Variants in PLEKHG7 observed in about 807,000 individuals in gnomAD.
The protein encoded by PLEKHG7 is pleckstrin homology domain-containing family G member 7.
PLEKHG7 carries 77 observed loss-of-function variants against 85.2 expected under a neutral mutation model. The observed-to-expected ratio is 0.90, with a 90% CI of 0.75 to 1.09. The LOEUF is 1.09. Among genes scored for constraint, PLEKHG7 ranks in the 50% least tolerant of loss-of-function variants. The probability of loss-of-function intolerance (pLI) is 0.00; values close to 1 mark genes in which losing one functional copy is unlikely to be tolerated. For missense variants in PLEKHG7, 777 were observed against 804.3 expected, an observed-to-expected ratio of 0.97 and a Z score of 0.41; for synonymous variants, 301 against 302.4, an observed-to-expected ratio of 1.00 and a Z score of 0.05.
In PLEKHG7 at chr12:92,710,012, CTT is replaced by C. The variant is rs1467242072; in HGVS notation, c.530+2342_530+2343del. Among the ~76,000 whole-genome samples, 5 of 152,184 alleles carry C rather than the reference CTT, an allele frequency of 3.3e-5. No homozygotes were observed. In the East Asian group the frequency reaches 9.6e-4, roughly 29 times the overall value. On this transcript the variant is annotated intron_variant, in intron 3 of 16. Coordinates refer to ENST00000344636, the MANE Select transcript of PLEKHG7 (RefSeq NM_001377329.1). ...AATTTTAACTTCAGTTTAATGGAAA[CTT>C]TCTTGCGTCTCCTGGTGGCAGTGTT...
chr12:92,732,280 G>A lies in PLEKHG7; in HGVS notation c.699+7G>A. On this transcript the variant is annotated splice_region_variant and intron_variant, in intron 5 of 16. Transcript: ENST00000344636. Reference sequence around the variant, plus strand: ...TTTCTCCAAAAGAGGAGTGGTAAGTGTTGCAAATTGCCATTTTTGTTTTAA... The same window carrying A: ...TTTCTCCAAAAGAGGAGTGGTAAGTATTGCAAATTGCCATTTTTGTTTTAA... The A allele has an allele frequency of 8.1e-7, 1 of 1,230,838 alleles. No individual in the cohort carries two copies. Among genetic ancestry groups the A allele is most frequent in the Non-Finnish European group, 1.0e-6 (1 of 986,858 alleles). The allele number at this position is 1,230,838 out of a possible 1,614,324, so 76.2% of individuals were successfully genotyped here.
Position 92,770,259 on chromosome 12 carries a change from G to C in PLEKHG7, c.*64G>C, listed in dbSNP as rs2136639340. ...GGTTTAAGGTATAATTTCATTCAAAGTTTTGTAACACTTAGCTAGTGATAA... is the reference window on the plus strand; with the variant it reads ...GGTTTAAGGTATAATTTCATTCAAACTTTTGTAACACTTAGCTAGTGATAA... On this transcript the variant is annotated 3_prime_UTR_variant, in exon 17 of 17. Coordinates refer to ENST00000344636, the MANE Select transcript of PLEKHG7 (RefSeq NM_001377329.1). 4.2e-6 allele frequency: 5 copies of C among 1,197,908 alleles called. No individual in the cohort carries two copies. Among genetic ancestry groups the C allele is most frequent in the Non-Finnish European group, 6.0e-6 (5 of 836,824 alleles). 74.2% of individuals were successfully genotyped at this position (1,197,908 alleles called of 1,614,324 possible). A position where few individuals can be genotyped will look rare whatever the true frequency, so the allele number is the denominator to read the frequency against.
chr12:92,721,315 G>C, intron 3 of PLEKHG7: 1 of 489,556 alleles, frequency 2.0e-6, no homozygotes, highest in Non-Finnish European at 3.2e-6. Flanking sequence ...CTGACACATG[G>C]GTGCACGGCC....
At chr12:92,737,325 G>A (rs1872186403) in intron 6 of PLEKHG7, 53 bp from the exon 7 acceptor site, 17 of 1,330,614 alleles carry the variant, frequency 1.3e-5, no homozygotes, top group Admixed American at 3.3e-5. Flanking sequence ...TAGCCAACAG[G>A]TCAATCCACT....
intron 3 of PLEKHG7, chr12:92,721,519 T>C: frequency 1.6e-6 from 2 of 1,228,844 alleles, no homozygotes; most frequent in African/African-American, 3.2e-5. Context: ...GCAACGCAAC[T>C]CAGGGTTAGT....
intron 16 of PLEKHG7, among the ~76,000 whole-genome samples, 178 bp from the exon 17 acceptor site, chr12:92,769,910 G>A (rs1873352294): frequency 6.6e-6 from 1 of 152,136 alleles, no homozygotes; most frequent in African/African-American, 2.4e-5. Flanking sequence ...TGTAAGATTA[G>A]AAGTATTTAT....
chr12:92,762,824 G>T (rs968106817), intron 14 of PLEKHG7, among the ~76,000 whole-genome samples: 1 of 152,174 alleles, frequency 6.6e-6, no homozygotes, highest in Non-Finnish European at 1.5e-5. Flanking sequence ...TACATGGCAT[G>T]TTGGTTAGTT....
chr12:92,720,004 T>C (rs1871592088), intron 3 of PLEKHG7, among the ~76,000 whole-genome samples: 1 of 152,196 alleles, frequency 6.6e-6, no homozygotes, highest in Non-Finnish European at 1.5e-5. Flanking sequence ...AAGGTCACAG[T>C]TGGGAATCTG....
intron 3 of PLEKHG7, among the ~76,000 whole-genome samples, chr12:92,716,675 T>C (rs758477529): frequency 1.3e-5 from 2 of 152,258 alleles, no homozygotes; most frequent in Non-Finnish European, 2.9e-5. Context: ...CTCTCATCTT[T>C]CCAAGTACAG....
intron 14 of PLEKHG7, among the ~76,000 whole-genome samples, chr12:92,763,223 A>G (rs1164926052): frequency 1.3e-5 from 2 of 152,198 alleles, no homozygotes; most frequent in Admixed American, 6.5e-5. Flanking sequence ...AATTTATACC[A>G]TGCAGGTCAC....
At chr12:92,761,952 A>G (rs1017157792) in intron 14 of PLEKHG7, 121 bp downstream of exon 14, 17 of 1,221,106 alleles carry the variant, frequency 1.4e-5, no homozygotes, top group Non-Finnish European at 1.7e-5. Context: ...TTTCCTCTAA[A>G]AAATGAAGGC....
chr12:92,713,708 G>A (rs984763606), intron 3 of PLEKHG7, among the ~76,000 whole-genome samples: 3 of 152,134 alleles, frequency 2.0e-5, no homozygotes, highest in Admixed American at 6.5e-5. Context: ...TAGGTCTAAA[G>A]TGACTAATCC....
rs114713287 is a variant in PLEKHG7 at position 92,722,589 on chromosome 12, C to T, written c.531-6404C>T. ...TCTCCCTGCTCCCTATGTGCAAATTCAACTCCAAATTTGACCTTTGTGCTC... is the reference window on the plus strand; with the variant it reads ...TCTCCCTGCTCCCTATGTGCAAATTTAACTCCAAATTTGACCTTTGTGCTC... On this transcript the variant is annotated intron_variant, in intron 3 of 16. Transcript: ENST00000344636. Among the ~76,000 whole-genome samples the T allele has an allele frequency of 2.7e-3, 407 of 152,262 alleles. 1 individual carries two copies. The highest frequency in any genetic ancestry group is 9.3e-3 in the African/African-American group (386 of 41,538).
rs1592686682 is a variant in PLEKHG7 at position 92,755,757 on chromosome 12, C to T, written c.1427-68C>T. On this transcript the variant is annotated intron_variant, in intron 11 of 16. Transcript: ENST00000344636. ...GTGTTTCTAAATGATTCCTGTGGAC[C>T]TTGGTTAAAATTTATACTGCAATGT... 8.6e-6 allele frequency: 9 copies of T among 1,044,250 alleles called. No homozygotes were observed. The East Asian group carries it at 2.1e-4, about 25-fold the overall frequency. The allele number at this position is 1,044,250 out of a possible 1,614,324, so 64.7% of individuals were successfully genotyped here.
intron 3 of PLEKHG7, among the ~76,000 whole-genome samples, chr12:92,727,620 G>A (rs924327666): frequency 3.3e-5 from 5 of 151,392 alleles, no homozygotes; most frequent in African/African-American, 4.9e-5. Flanking sequence ...ACAGAGTTTC[G>A]CTCTTGTTGC....
At chr12:92,769,166 GT>G in intron 16 of PLEKHG7, 86 bp downstream of exon 16, 1 of 1,059,996 alleles carries the variant, frequency 9.4e-7, no homozygotes, top group Non-Finnish European at 1.4e-6. Flanking sequence ...TGAATGGAAA[GT>G]TTTGTGTTTT....
At chr12:92,720,284 C>T (rs903972749) in intron 3 of PLEKHG7, among the ~76,000 whole-genome samples, 1 of 151,794 alleles carries the variant, frequency 6.6e-6, no homozygotes, top group African/African-American at 2.4e-5. Flanking sequence ...TTCGTCTTCA[C>T]ATACCCTTCT....
chr12:92,749,957 A>ATATTTTATTTTATTTTATATTT (rs5800081), intron 10 of PLEKHG7, among the ~76,000 whole-genome samples: 6,568 of 120,680 alleles, frequency 0.054, 464 homozygotes, highest in African/African-American at 0.094. Flanking sequence ...ATTTTATTTT[A>ATATTTTATTTTATTTTATATTT]TATTTTATTT....
intron 13 of PLEKHG7, among the ~76,000 whole-genome samples, chr12:92,758,468 C>T (rs1480933179): frequency 6.6e-6 from 1 of 152,168 alleles, no homozygotes; most frequent in Non-Finnish European, 1.5e-5. Context: ...CAGGTTTGGG[C>T]ATAATGAGAA....
Sources: allele counts gnomAD v4.1 joint callset (sites outside exome capture counted in the v4.1 genomes callset), GRCh38; gene constraint gnomAD v4.1.1; transcripts MANE v1.5; gene names NCBI Gene and HGNC (gene_info 2026-07-23, HGNC 2026-07-21).